Variants in CBX1 observed in about 807,000 individuals in gnomAD.
CBX1 encodes the protein chromobox 1.
Under a neutral mutation model 25.1 loss-of-function variants are expected in CBX1, and 10 were observed. That is an observed-to-expected ratio of 0.40 (90% CI 0.25 to 0.68). The LOEUF is 0.68. Ranked by LOEUF, CBX1 falls within the 30% of genes least tolerant of loss-of-function variation. CBX1 has a pLI of 0.40. For missense variants in CBX1, 106 were observed against 218.5 expected (o/e 0.49, Z 3.25); for synonymous variants, 63 against 79.4 (o/e 0.79, Z 1.10).
At chr17:48,072,132 G>GA (rs1397047194) in intron 4 of CBX1, among the ~76,000 whole-genome samples, 1 of 151,746 alleles carries the variant, frequency 6.6e-6, no homozygotes, top group Non-Finnish European at 1.5e-5. Context: ...CTAATAGCTG[G>GA]AATTATAGGT....
chr17:48,076,783 T>TC, intron 2 of CBX1, 82 bp downstream of exon 2: 1 of 1,286,634 alleles, frequency 7.8e-7, no homozygotes, highest in Non-Finnish European at 1.1e-6. Flanking sequence ...ACTGTATCCA[T>TC]CATAGCACTG....
At chr17:48,071,615 G>A (rs188832807) in intron 4 of CBX1, 36 bp from the exon 5 acceptor site, 1 of 1,558,970 alleles carries the variant, frequency 6.4e-7, no homozygotes, top group East Asian at 2.3e-5. Context: ...TTGAGACCAG[G>A]TGCTGGTGGT....
intron 1 of CBX1, among the ~76,000 whole-genome samples, chr17:48,091,457 C>A (rs1389583506): frequency 6.6e-6 from 1 of 151,058 alleles, no homozygotes; most frequent in Non-Finnish European, 1.5e-5. Context: ...CACTTTAGAA[C>A]TCCGCCTCTG....
intron 1 of CBX1, among the ~76,000 whole-genome samples, chr17:48,089,228 G>C (rs977848732): frequency 1.5e-4 from 22 of 150,612 alleles, no homozygotes; most frequent in Non-Finnish European, 1.2e-4. Context: ...AGCCTCCCCA[G>C]TAGCTGGGAC....
chr17:48,092,914 T>C (rs1215535069), intron 1 of CBX1, among the ~76,000 whole-genome samples: 2 of 151,666 alleles, frequency 1.3e-5, no homozygotes, highest in Non-Finnish European at 2.9e-5. Context: ...CTACTAAAAA[T>C]ACAAAATGAG....
Position 48,071,335 on chromosome 17 carries a change from T to A in CBX1, c.*100A>T. On this transcript the variant is annotated 3_prime_UTR_variant, in exon 5 of 5. Transcript: ENST00000225603. ...AACTATACTGGCTCTTCAAAGGACA[T>A]CTTCTCAAGCCACCTCTATGGTGTC... 1 of 1,244,582 alleles carries A rather than the reference T, an allele frequency of 8.0e-7. No individual in the cohort carries two copies. Among genetic ancestry groups the A allele is most frequent in the Admixed American group, 2.6e-5 (1 of 39,062 alleles). 77.1% of individuals were successfully genotyped at this position (1,244,582 alleles called of 1,614,324 possible). A position where few individuals can be genotyped will look rare whatever the true frequency, so the allele number is the denominator to read the frequency against.
chr17:48,078,132 TA>T (rs1282253723), intron 1 of CBX1, among the ~76,000 whole-genome samples: 1 of 151,882 alleles, frequency 6.6e-6, no homozygotes. Flanking sequence ...ACTTACATAT[TA>T]CTCTCTGACT....
At chr17:48,078,582 C>G (rs1348808092) in intron 1 of CBX1, among the ~76,000 whole-genome samples, 1 of 151,686 alleles carries the variant, frequency 6.6e-6, no homozygotes, top group South Asian at 2.1e-4. Context: ...CTCTGCCTCC[C>G]GGGTTCAAGC....
intron 4 of CBX1, among the ~76,000 whole-genome samples, chr17:48,074,720 T>C (rs1239511780): frequency 2.0e-5 from 3 of 151,810 alleles, no homozygotes; most frequent in Non-Finnish European, 4.4e-5. Flanking sequence ...TTTCTCCCCC[T>C]TTATTTACAG....
Position 48,075,993 on chromosome 17 carries a change from A to G in CBX1, c.318+8T>C. ...TGGGCTAGTAAAAATTCTTACTTCTATTCTTACCTCTTCTTTCTTCTTCTT... is the reference window on the plus strand; with the variant it reads ...TGGGCTAGTAAAAATTCTTACTTCTGTTCTTACCTCTTCTTTCTTCTTCTT... On this transcript the variant is annotated splice_region_variant and intron_variant, in intron 3 of 4. Coordinates refer to ENST00000225603, the MANE Select transcript of CBX1 (RefSeq NM_001127228.2). 6.3e-7 allele frequency: 1 copy of G among 1,578,524 alleles called. No individual in the cohort carries two copies. The highest frequency in any genetic ancestry group is 8.7e-7 in the Non-Finnish European group (1 of 1,155,546).
At chr17:48,096,899 C>T (rs2063378262) in intron 1 of CBX1, among the ~76,000 whole-genome samples, 1 of 152,070 alleles carries the variant, frequency 6.6e-6, no homozygotes, top group Non-Finnish European at 1.5e-5. Context: ...TCGAAACTAG[C>T]CTGGGCAACA....
chr17:48,093,673 G>T (rs1031665999), intron 1 of CBX1, among the ~76,000 whole-genome samples: 2 of 152,210 alleles, frequency 1.3e-5, no homozygotes, highest in Non-Finnish European at 2.9e-5. Context: ...AGTCGTCAGT[G>T]TAACACTTAT....
At chr17:48,091,650 C>A (rs931054440) in intron 1 of CBX1, among the ~76,000 whole-genome samples, 5 of 150,918 alleles carry the variant, frequency 3.3e-5, no homozygotes, top group African/African-American at 1.2e-4. Flanking sequence ...AAGTGCTTCT[C>A]CTGTCTCAGC....
intron 1 of CBX1, among the ~76,000 whole-genome samples, chr17:48,081,902 GTGT>G (rs1796462523): frequency 6.6e-6 from 1 of 152,068 alleles, no homozygotes; most frequent in Non-Finnish European, 1.5e-5. Context: ...CCTTCCCAAC[GTGT>G]TTTTTTGTTT....
chr17:48,099,315 A>G (rs557904414), intron 1 of CBX1, among the ~76,000 whole-genome samples: 12 of 152,320 alleles, frequency 7.9e-5, no homozygotes, highest in Non-Finnish European at 1.5e-4. Context: ...TTGGTTGGCC[A>G]GGATGGTCTC....
chr17:48,072,467 G>C (rs1205040943), intron 4 of CBX1, among the ~76,000 whole-genome samples: 2 of 152,172 alleles, frequency 1.3e-5, no homozygotes, highest in African/African-American at 4.8e-5. Context: ...TAGAAAATGA[G>C]GGAGCTGTAG....
At position 48,076,083 on chromosome 17, in the gene CBX1, T is replaced by A. The variant is rs780561799; in HGVS notation, c.236A>T (p.Lys79Ile). 2 of 1,613,428 alleles carry A rather than the reference T, an allele frequency of 1.2e-6. No homozygotes were observed. Among genetic ancestry groups the A allele is most frequent in the African/African-American group, 2.7e-5 (2 of 74,916 alleles). The change falls in exon 3 of 5, where the codon AAA becomes ATA. Residue 79 changes from lysine (K) to isoleucine (I), a missense_variant. Lys to Ile is a moderately radical substitution (Grantham distance 102, BLOSUM62 -3). Transcript: ENST00000225603. ...AGCTTTGCGCTTGCCTCCCTCTGATTTATCTGTCTCATGTGCTGTTTTCTG... is the reference window on the plus strand; with the variant it reads ...AGCTTTGCGCTTGCCTCCCTCTGATATATCTGTCTCATGTGCTGTTTTCTG... Reference protein sequence around the residue: ...QSQKTAHETDKSEGGKRKADS... With the variant: ...QSQKTAHETDISEGGKRKADS...
intron 1 of CBX1, among the ~76,000 whole-genome samples, chr17:48,099,815 T>C (rs1265467998): frequency 1.3e-5 from 2 of 152,126 alleles, no homozygotes; most frequent in Admixed American, 1.3e-4. Flanking sequence ...AACACCAATT[T>C]ATGAAAAACC....
intron 1 of CBX1, 31 bp from the exon 2 acceptor site, chr17:48,077,072 T>C: frequency 6.5e-7 from 1 of 1,527,390 alleles, no homozygotes; most frequent in Non-Finnish European, 8.9e-7. Flanking sequence ...AAAAGGGCAT[T>C]AGGGAGCACT....
Sources: gnomAD v4.1 joint callset for allele counts (sites outside exome capture counted in the v4.1 genomes callset) on GRCh38, gnomAD v4.1.1 for gene constraint, MANE v1.5 for transcripts, NCBI Gene and HGNC (gene_info 2026-07-23, HGNC 2026-07-21) for gene names.